The following OR8B12 variants were observed in gnomAD, a reference collection of about 807,000 sequenced individuals.
The protein encoded by OR8B12 is olfactory receptor 8B12.
For synonymous variants in OR8B12, 152 were observed against 148.8 expected (o/e 1.02, Z -0.16); for missense variants, 383 against 376.4 (o/e 1.02, Z -0.14).
chr11:124,543,605 G>T lies in OR8B12; in HGVS notation c.50C>A (p.Thr17Asn). The T allele has an allele frequency of 6.2e-7, 1 of 1,613,904 alleles. No homozygotes were observed. The highest frequency in any genetic ancestry group is 8.5e-7 in the Non-Finnish European group (1 of 1,179,916). ...SVTEFILEGL[T>N]HQPGLRIPLF... ...GGGGATCCGCAGTCCCGGCTGGTGG[G>T]TTAAGCCTTCGAGGATAAACTCTGT... Residue 17 changes from threonine (T) to asparagine (N), a missense_variant, in exon 1 of 1, where the codon ACC (threonine) becomes AAC (asparagine). Transcript: ENST00000306842.
chr11:124,543,596 G>A lies in OR8B12; in HGVS notation c.59C>T (p.Pro20Leu), dbSNP rs138322592. ...EFILEGLTHQ[P>L]GLRIPLFFLF... Reference sequence around the variant, plus strand: ...GAAGAAGAGGGGGATCCGCAGTCCCGGCTGGTGGGTTAAGCCTTCGAGGAT... The same window carrying A: ...GAAGAAGAGGGGGATCCGCAGTCCCAGCTGGTGGGTTAAGCCTTCGAGGAT... The change falls in exon 1 of 1, where the codon CCG becomes CTG. Residue 20 changes from proline (P) to leucine (L), a missense_variant. Coordinates refer to ENST00000306842, the MANE Select transcript of OR8B12 (RefSeq NM_001005195.1). 380 of 1,613,990 alleles carry A rather than the reference G, an allele frequency of 2.4e-4. 1 individual carries two copies. The African/African-American group carries it at 3.8e-3, about 16-fold the overall frequency.
chr11:124,543,486 G>T lies in OR8B12; in HGVS notation c.169C>A (p.Pro57Thr), dbSNP rs774023323. The T allele has an allele frequency of 6.2e-7, 1 of 1,614,142 alleles. No individual in the cohort carries two copies. The highest frequency in any genetic ancestry group is 2.2e-5 in the East Asian group (1 of 44,868). The change falls in exon 1 of 1, where the codon CCC (proline) becomes ACC (threonine). Residue 57 changes from proline (P) to threonine (T), a missense_variant. Coordinates refer to ENST00000306842, the MANE Select transcript of OR8B12 (RefSeq NM_001005195.1). ...AGGTTAAAAAGGAAGAAGTACATGG[G>T]AGTGTGCAGGTGAGAGTTCAGCCCA... ...LIGLNSHLHT[P>T]MYFFLFNLSL...
rs139449552 is a variant in OR8B12 at position 124,542,779 on chromosome 11, C to T, written c.876G>A (p.Arg292=). The stretch of plus-strand genomic sequence containing the variant: ...TCAGGGCAACTTTGACATCCTTGTT[C>T]CTCAAGCTATAGATTAATGGGTTTA... ...PVLNPLIYSL[R]NKDVKVALRR... The change falls in exon 1 of 1, where the codon AGG becomes AGA. Residue 292 remains arginine, a synonymous_variant. Coordinates refer to ENST00000306842, the MANE Select transcript of OR8B12 (RefSeq NM_001005195.1). 6.2e-7 allele frequency: 1 copy of T among 1,609,504 alleles called. No individual in the cohort carries two copies. Among genetic ancestry groups the T allele is most frequent in the Non-Finnish European group, 8.5e-7 (1 of 1,178,514 alleles).
rs1412609916 is a variant in OR8B12, at chr11:124,543,401, A to G, written c.254T>C (p.Val85Ala). ...GAAGGAAATGATGTTCTTCCTTGAG[A>G]CAAAACTCATCAGCATTTTGGGAGT... ...TITPKMLMSF[V>A]SRKNIISFTG... Residue 85 changes from valine (V) to alanine (A), a missense_variant, in exon 1 of 1, where the codon GTC becomes GCC. Coordinates refer to ENST00000306842, the MANE Select transcript of OR8B12 (RefSeq NM_001005195.1). 1 of 1,613,992 alleles carries G rather than the reference A, an allele frequency of 6.2e-7. No individual in the cohort carries two copies. The highest frequency in any genetic ancestry group is 1.3e-5 in the African/African-American group (1 of 74,928).
chr11:124,543,335 A>G lies in OR8B12; in HGVS notation c.320T>C (p.Val107Ala). The G allele has an allele frequency of 6.2e-7, 1 of 1,614,144 alleles. No homozygotes were observed. The highest frequency in any genetic ancestry group is 8.5e-7 in the Non-Finnish European group (1 of 1,180,000). The change falls in exon 1 of 1, where the codon GTC (valine) becomes GCC (alanine). Residue 107 changes from valine to alanine, a missense_variant. Coordinates refer to ENST00000306842, the MANE Select transcript of OR8B12 (RefSeq NM_001005195.1). The stretch of plus-strand genomic sequence containing the variant: ...TGACAGGATGAAGGACTCAGAGACG[A>G]CAAAGAAGCAGAAGAAGAAGAGCTG... ...MTQLFFFCFF[V>A]VSESFILSAM...
At position 124,543,469 on chromosome 11, in the gene OR8B12, A is replaced by G. The variant is rs748651071; in HGVS notation, c.186T>C (p.Leu62=). ...SHLHTPMYFF[L]FNLSLIDFCF... The stretch of plus-strand genomic sequence containing the variant: ...AGAAATCTATTAAAGAGAGGTTAAA[A>G]AGGAAGAAGTACATGGGAGTGTGCA... Residue 62 remains leucine, a synonymous_variant, in exon 1 of 1, where the codon CTT becomes CTC. Transcript: ENST00000306842. The G allele has an allele frequency of 6.2e-7, 1 of 1,613,986 alleles. No homozygotes were observed. The highest frequency in any genetic ancestry group is 8.5e-7 in the Non-Finnish European group (1 of 1,179,998).
At position 124,542,856 on chromosome 11, in the gene OR8B12, G is replaced by A; in HGVS notation, c.799C>T (p.Leu267Phe). ...AGGGAGGACACTTTCCCTTGCTCGAGGGGCAGGATGGAAAGGGGTTTGAGA... is the reference window on the plus strand; with the variant it reads ...AGGGAGGACACTTTCCCTTGCTCGAAGGGCAGGATGGAAAGGGGTTTGAGA... ...MYLKPLSILP[L>F]EQGKVSSLFY... is the part of the protein sequence containing the mutation. The change falls in exon 1 of 1, where the codon CTC (leucine) becomes TTC (phenylalanine). Residue 267 changes from leucine (L) to phenylalanine (F), a missense_variant. Transcript: ENST00000306842. 6.2e-7 allele frequency: 1 copy of A among 1,614,012 alleles called. No homozygotes were observed. Among genetic ancestry groups the A allele is most frequent in the South Asian group, 1.1e-5 (1 of 91,068 alleles).
Position 124,543,142 on chromosome 11 carries a change from G to A in OR8B12, c.513C>T (p.Asn171=), listed in dbSNP as rs887068568. The change falls in exon 1 of 1, where the codon AAC becomes AAT. Residue 171 remains asparagine, a synonymous_variant. Coordinates refer to ENST00000306842, the MANE Select transcript of OR8B12 (RefSeq NM_001005195.1). ...SIMNLTFCAD[N]LVNHFMCDIL... ...TGTCACACATGAAATGATTGACAAG[G>A]TTGTCAGCACAGAAGGTCAGGTTCA... 11 of 1,613,834 alleles carry A rather than the reference G, an allele frequency of 6.8e-6. No individual in the cohort carries two copies. The highest frequency in any genetic ancestry group is 9.3e-6 in the Non-Finnish European group (11 of 1,180,014).
rs376170035 is a variant in OR8B12 at position 124,543,244 on chromosome 11, G to C, written c.411C>G (p.Cys137Trp). The C allele has an allele frequency of 2.0e-5, 32 of 1,613,938 alleles. 1 individual carries two copies. In the South Asian group the frequency reaches 2.9e-4, roughly 14 times the overall value. The change falls in exon 1 of 1, where the codon TGC (cysteine) becomes TGG (tryptophan). Residue 137 changes from cysteine to tryptophan, a missense_variant. By Grantham distance (215) the Cys-to-Trp change is radical (BLOSUM62 -2). Coordinates refer to ENST00000306842, the MANE Select transcript of OR8B12 (RefSeq NM_001005195.1). Reference protein sequence around the residue: ...NPLLYTVTMSCQVCLLLLLGA... With the variant: ...NPLLYTVTMSWQVCLLLLLGA... ...CCAACAAAAGGAGCAAACACACCTG[G>C]CAAGACATGGTGACTGTGTACAACA...
In OR8B12 at chr11:124,542,853, C is replaced by T. The variant is rs1354880325; in HGVS notation, c.802G>A (p.Glu268Lys). The change falls in exon 1 of 1, where the codon GAG becomes AAG. Residue 268 changes from glutamate to lysine, a missense_variant. Coordinates refer to ENST00000306842, the MANE Select transcript of OR8B12 (RefSeq NM_001005195.1). ...AACAGGGAGGACACTTTCCCTTGCT[C>T]GAGGGGCAGGATGGAAAGGGGTTTG... ...YLKPLSILPLEQGKVSSLFYT... is the reference protein window; with the variant it reads ...YLKPLSILPLKQGKVSSLFYT... 20 of 1,613,778 alleles carry T rather than the reference C, an allele frequency of 1.2e-5. 1 individual carries two copies. The highest frequency in any genetic ancestry group is 4.4e-5 in the South Asian group (4 of 91,058).
rs1474647869 is a variant in OR8B12 at position 124,542,826 on chromosome 11, A to G, written c.829T>C (p.Tyr277His). 1 of 1,613,998 alleles carries G rather than the reference A, an allele frequency of 6.2e-7. No individual in the cohort carries two copies. Among genetic ancestry groups the G allele is most frequent in the African/African-American group, 1.3e-5 (1 of 75,044 alleles). Reference sequence around the variant, plus strand: ...TTTAACACGGGGACTATTATGGTATAGAACAGGGAGGACACTTTCCCTTGC... The same window carrying G: ...TTTAACACGGGGACTATTATGGTATGGAACAGGGAGGACACTTTCCCTTGC... ...LEQGKVSSLF[Y>H]TIIVPVLNPL... is the part of the protein sequence containing the mutation. The change falls in exon 1 of 1, where the codon TAT becomes CAT. Residue 277 changes from tyrosine (Y) to histidine (H), a missense_variant. Tyr to His is a moderately conservative substitution (Grantham distance 83). Transcript: ENST00000306842.
At position 124,543,152 on chromosome 11, in the gene OR8B12, C is replaced by G. The variant is rs778509994; in HGVS notation, c.503G>C (p.Cys168Ser). The G allele has an allele frequency of 2.5e-6, 4 of 1,614,082 alleles. No individual in the cohort carries two copies. The highest frequency in any genetic ancestry group is 1.7e-4 in the Middle Eastern group (1 of 6,060). The change falls in exon 1 of 1, where the codon TGT becomes TCT. Residue 168 changes from cysteine to serine, a missense_variant. Coordinates refer to ENST00000306842, the MANE Select transcript of OR8B12 (RefSeq NM_001005195.1). ...HTGSIMNLTF[C>S]ADNLVNHFMC... ...GAAATGATTGACAAGGTTGTCAGCACAGAAGGTCAGGTTCATTATGCTTCC... is the reference window on the plus strand; with the variant it reads ...GAAATGATTGACAAGGTTGTCAGCAGAGAAGGTCAGGTTCATTATGCTTCC...
Position 124,542,904 on chromosome 11 carries a change from A to G in OR8B12, c.751T>C (p.Phe251Leu). Residue 251 changes from phenylalanine (F) to leucine (L), a missense_variant, in exon 1 of 1, where the codon TTT (phenylalanine) becomes CTT (leucine). Physicochemically the swap from Phe to Leu is conservative, Grantham distance 22. Coordinates refer to ENST00000306842, the MANE Select transcript of OR8B12 (RefSeq NM_001005195.1). ...AGATACATGAAAGCACCAGAACCAA[A>G]GAAAAGAGAAACTACAATTATGTGG... ...SSHIIVVSLF[F>L]GSGAFMYLKP... is the part of the protein sequence containing the mutation. 1 of 1,614,064 alleles carries G rather than the reference A, an allele frequency of 6.2e-7. No homozygotes were observed. The highest frequency in any genetic ancestry group is 8.5e-7 in the Non-Finnish European group (1 of 1,179,986).
In OR8B12 at chr11:124,543,208, C is replaced by G. The variant is rs780029644; in HGVS notation, c.447G>C (p.Gly149=). The G allele has an allele frequency of 1.0e-4, 164 of 1,614,062 alleles. No individual in the cohort carries two copies. Among genetic ancestry groups the G allele is most frequent in the Middle Eastern group, 5.0e-4 (3 of 6,058 alleles). ...GGGCCATGGCCCCAGCAAACCCCAT[C>G]CCATAGGCACCCAACAAAAGGAGCA... ...VCLLLLLGAY[G]MGFAGAMAHT... Residue 149 remains glycine, a synonymous_variant, in exon 1 of 1, where the codon GGG becomes GGC. Transcript: ENST00000306842.
In OR8B12 at chr11:124,543,603, G is replaced by A; in HGVS notation, c.52C>T (p.His18Tyr). 1.2e-6 allele frequency: 2 copies of A among 1,613,940 alleles called. No individual in the cohort carries two copies. Among genetic ancestry groups the A allele is most frequent in the Non-Finnish European group, 1.7e-6 (2 of 1,179,928 alleles). ...VTEFILEGLTHQPGLRIPLFF... is the reference protein window; with the variant it reads ...VTEFILEGLTYQPGLRIPLFF... ...AGGGGGATCCGCAGTCCCGGCTGGT[G>A]GGTTAAGCCTTCGAGGATAAACTCT... Residue 18 changes from histidine (H) to tyrosine (Y), a missense_variant, in exon 1 of 1, where the codon CAC becomes TAC. Transcript: ENST00000306842.
Position 124,543,407 on chromosome 11 carries a change from C to T in OR8B12, c.248G>A (p.Ser83Asn). ...STTITPKMLMSFVSRKNIISF... is the reference protein window; with the variant it reads ...STTITPKMLMNFVSRKNIISF... ...AATGATGTTCTTCCTTGAGACAAAA[C>T]TCATCAGCATTTTGGGAGTGATGGT... Residue 83 changes from serine to asparagine, a missense_variant, in exon 1 of 1, where the codon AGT (serine) becomes AAT (asparagine). Ser to Asn is a conservative substitution (Grantham distance 46). Coordinates refer to ENST00000306842, the MANE Select transcript of OR8B12 (RefSeq NM_001005195.1). The T allele has an allele frequency of 1.2e-6, 2 of 1,614,056 alleles. No individual in the cohort carries two copies. Among genetic ancestry groups the T allele is most frequent in the Non-Finnish European group, 8.5e-7 (1 of 1,179,956 alleles).
chr11:124,543,202 C>T lies in OR8B12; in HGVS notation c.453G>A (p.Gly151=). 6.2e-7 allele frequency: 1 copy of T among 1,614,056 alleles called. No individual in the cohort carries two copies. Among genetic ancestry groups the T allele is most frequent in the Non-Finnish European group, 8.5e-7 (1 of 1,179,988 alleles). Residue 151 remains glycine, a synonymous_variant, in exon 1 of 1, where the codon GGG becomes GGA. Transcript: ENST00000306842. ...CTGTGTGGGCCATGGCCCCAGCAAA[C>T]CCCATCCCATAGGCACCCAACAAAA... ...LLLLLGAYGM[G]FAGAMAHTGS...
chr11:124,543,284 G>T lies in OR8B12; in HGVS notation c.371C>A (p.Ala124Asp). ...LSAMAYDRYV[A>D]ICNPLLYTVT... Reference sequence around the variant, plus strand: ...TGTGTACAACAGTGGGTTACAGATGGCCACGTAGCGGTCATACGCCATCGC... The same window carrying T: ...TGTGTACAACAGTGGGTTACAGATGTCCACGTAGCGGTCATACGCCATCGC... The change falls in exon 1 of 1, where the codon GCC (alanine) becomes GAC (aspartate). Residue 124 changes from alanine to aspartate, a missense_variant. Ala to Asp is a moderately radical substitution (Grantham distance 126). Transcript: ENST00000306842. 1.2e-6 allele frequency: 2 copies of T among 1,614,028 alleles called. No homozygotes were observed. The highest frequency in any genetic ancestry group is 1.7e-6 in the Non-Finnish European group (2 of 1,179,980).
At position 124,543,300 on chromosome 11, in the gene OR8B12, AC is replaced by A; in HGVS notation, c.354del (p.Tyr119MetfsTer44). On this transcript the variant is annotated frameshift_variant, in exon 1 of 1. Transcript: ENST00000306842. LOFTEE classifies it low-confidence loss of function (END_TRUNC). ...VSESFILSAM[A>X]YDRYVAICNP... ...TTACAGATGGCCACGTAGCGGTCATACGCCATCGCTGACAGGATGAAGGACT... is the reference window on the plus strand; with the variant it reads ...TTACAGATGGCCACGTAGCGGTCATAGCCATCGCTGACAGGATGAAGGACT... The A allele has an allele frequency of 1.2e-6, 2 of 1,614,060 alleles. No homozygotes were observed. The highest frequency in any genetic ancestry group is 1.7e-6 in the Non-Finnish European group (2 of 1,179,932).
Sources: gnomAD v4.1 joint callset for allele counts on GRCh38, gnomAD v4.1.1 for gene constraint, MANE v1.5 for transcripts, NCBI Gene and HGNC (gene_info 2026-07-23, HGNC 2026-07-21) for gene names.